Variants in CSTF3 observed in about 807,000 individuals in gnomAD.
CSTF3 encodes the protein CF-1 77 kDa subunit.
In CSTF3, 29 loss-of-function variants were observed where a neutral mutation model predicts 105.8. The observed-to-expected ratio is 0.27, with a 90% CI of 0.20 to 0.37. The LOEUF is 0.37. CSTF3 is among the 10% of genes least tolerant of loss of function. CSTF3 has a pLI of 1.00. For missense variants in CSTF3, 357 were observed against 879.3 expected (o/e 0.41, Z 7.51); for synonymous variants, 252 against 281.9 (o/e 0.89, Z 1.06).
chr11:33,131,791 G>A (rs989302994), intron 3 of CSTF3, among the ~76,000 whole-genome samples: 8 of 152,182 alleles, frequency 5.3e-5, no homozygotes, highest in East Asian at 1.9e-4. Flanking sequence ...GGTGGAGCCT[G>A]CAGTGAGCAG....
chr11:33,095,307 G>C (rs1358156014), intron 15 of CSTF3, among the ~76,000 whole-genome samples: 2 of 152,104 alleles, frequency 1.3e-5, no homozygotes, highest in African/African-American at 4.8e-5. Context: ...CCAATTCCTG[G>C]GCTCAAGTGA....
chr11:33,090,362 A>G (rs1222552133), intron 17 of CSTF3, among the ~76,000 whole-genome samples, 170 bp downstream of exon 17: 1 of 152,154 alleles, frequency 6.6e-6, no homozygotes, highest in Non-Finnish European at 1.5e-5. Context: ...CTACTTTGAC[A>G]CTCAGGATTT....
chr11:33,087,203 C>T, intron 17 of CSTF3, 62 bp from the exon 18 acceptor site: 1 of 1,553,690 alleles, frequency 6.4e-7, no homozygotes, highest in Non-Finnish European at 8.8e-7. Flanking sequence ...AATAATCATG[C>T]AATAACCTTG....
chr11:33,148,275 G>A (rs866031010), intron 1 of CSTF3, among the ~76,000 whole-genome samples: 2 of 152,164 alleles, frequency 1.3e-5, no homozygotes, highest in Non-Finnish European at 1.5e-5. Flanking sequence ...TCACCTAAGG[G>A]AAGGAGATTT....
At chr11:33,156,837 T>A (rs1306060282) in intron 1 of CSTF3, 1 of 364,650 alleles carries the variant, frequency 2.7e-6, no homozygotes, top group African/African-American at 2.2e-5. Flanking sequence ...TTTTAAAAGA[T>A]GCAAACTTAA....
chr11:33,092,203 C>A, intron 16 of CSTF3, 68 bp downstream of exon 16: 1 of 1,103,300 alleles, frequency 9.1e-7, no homozygotes. Flanking sequence ...ACATTCACCC[C>A]ATAGACCACA....
chr11:33,092,535 G>A (rs1245103657), intron 15 of CSTF3, among the ~76,000 whole-genome samples, 195 bp from the exon 16 acceptor site: 1 of 152,186 alleles, frequency 6.6e-6, no homozygotes, highest in Non-Finnish European at 1.5e-5. Flanking sequence ...CTTGGTGATT[G>A]AGTAGCAGAG....
intron 3 of CSTF3, among the ~76,000 whole-genome samples, chr11:33,137,559 T>C (rs1590281566): frequency 6.6e-6 from 1 of 151,884 alleles, no homozygotes; most frequent in Non-Finnish European, 1.5e-5. Flanking sequence ...AACAGTACTT[T>C]ATTCAAAGCA....
At chr11:33,138,253 T>G (rs146587325) in intron 3 of CSTF3, among the ~76,000 whole-genome samples, 1 of 151,952 alleles carries the variant, frequency 6.6e-6, no homozygotes, top group Non-Finnish European at 1.5e-5. Context: ...AAAAATTCCT[T>G]ATGAATGTGG....
intron 3 of CSTF3, among the ~76,000 whole-genome samples, chr11:33,129,929 A>G (rs1016773190): frequency 1.1e-4 from 17 of 152,258 alleles, no homozygotes; most frequent in South Asian, 2.1e-4. Context: ...AGGTAGCTAC[A>G]TGAAGATACT....
intron 3 of CSTF3, among the ~76,000 whole-genome samples, chr11:33,129,492 A>T (rs972347779): frequency 6.6e-6 from 1 of 152,018 alleles, no homozygotes; most frequent in Admixed American, 6.6e-5. Context: ...TTTCTTGAGA[A>T]TCTCTAAATT....
At chr11:33,126,367 CA>C (rs1407979932) in intron 3 of CSTF3, among the ~76,000 whole-genome samples, 1 of 151,876 alleles carries the variant, frequency 6.6e-6, no homozygotes, top group Non-Finnish European at 1.5e-5. Context: ...CACTTCAGCC[CA>C]CACGGTGGAG....
chr11:33,123,603 CT>C (rs1855514441), intron 3 of CSTF3, among the ~76,000 whole-genome samples: 3 of 151,984 alleles, frequency 2.0e-5, no homozygotes, highest in African/African-American at 7.2e-5. Flanking sequence ...AGGGAAAAAA[CT>C]TACATGTCCT....
chr11:33,120,793 T>G (rs1192563994), intron 3 of CSTF3, among the ~76,000 whole-genome samples: 1 of 151,918 alleles, frequency 6.6e-6, no homozygotes, highest in Non-Finnish European at 1.5e-5. Flanking sequence ...AAAATAGGTT[T>G]TAGATTATAC....
chr11:33,154,122 G>A (rs1296880436), intron 1 of CSTF3, among the ~76,000 whole-genome samples: 1 of 152,134 alleles, frequency 6.6e-6, no homozygotes, highest in South Asian at 2.1e-4. Context: ...TGGTCTGCAA[G>A]CTTTTATTGA....
At chr11:33,109,608 C>A (rs1476708084) in intron 3 of CSTF3, among the ~76,000 whole-genome samples, 1 of 152,162 alleles carries the variant, frequency 6.6e-6, no homozygotes, top group East Asian at 1.9e-4. Context: ...ATAATACCTA[C>A]TTTGTCAGGG....
At position 33,136,821 on chromosome 11, in the gene CSTF3, A is replaced by G. The variant is rs189500028; in HGVS notation, c.225+4846T>C. On this transcript the variant is annotated intron_variant, in intron 3 of 20. Coordinates refer to ENST00000323959, the MANE Select transcript of CSTF3 (RefSeq NM_001326.3). ...GGGACAGGGATAGAGTTTTGAACCA[A>G]AATTATCCCCTATGATCCTAATGAC... Among the ~76,000 whole-genome samples the G allele has an allele frequency of 1.0e-3, 156 of 152,010 alleles. 1 individual carries two copies. The Middle Eastern group carries it at 0.014, about 13-fold the overall frequency.
At chr11:33,096,720 G>T in intron 14 of CSTF3, 115 bp downstream of exon 14, 1 of 988,618 alleles carries the variant, frequency 1.0e-6, no homozygotes, top group Non-Finnish European at 1.5e-6. Context: ...CACTTAGACT[G>T]CCTTTACAAA....
At chr11:33,102,146 A>G in intron 10 of CSTF3, 31 bp downstream of exon 10, 1 of 1,602,614 alleles carries the variant, frequency 6.2e-7, no homozygotes, top group Non-Finnish European at 8.5e-7. Context: ...CATACATGTA[A>G]CTGAAGTCCC....
Sources: gnomAD v4.1 joint callset for allele counts (sites outside exome capture counted in the v4.1 genomes callset) on GRCh38, gnomAD v4.1.1 for gene constraint, MANE v1.5 for transcripts, NCBI Gene and HGNC (gene_info 2026-07-23, HGNC 2026-07-21) for gene names.